The following LDB2 variants were observed in gnomAD, a reference collection of about 807,000 sequenced individuals.
The protein encoded by LDB2 is LIM domain-binding protein 2.
A neutral mutation model predicts 44.3 loss-of-function variants in LDB2; 12 were observed. The ratio of observed to expected loss-of-function variants is 0.27; its 90% CI spans 0.17 to 0.44. The LOEUF (loss-of-function observed/expected upper bound fraction) is 0.44. Among genes scored for constraint, LDB2 ranks in the 20% least tolerant of loss-of-function variants. The probability of loss-of-function intolerance (pLI) is 1.00; values close to 1 mark genes in which losing one functional copy is unlikely to be tolerated. For missense variants in LDB2, 344 were observed against 473.5 expected, an observed-to-expected ratio of 0.73 and a Z score of 2.54; for synonymous variants, 164 against 174.8, an observed-to-expected ratio of 0.94 and a Z score of 0.49.
chr4:16,765,794 A>G (rs1769076480), intron 1 of LDB2, among the ~76,000 whole-genome samples: 1 of 152,216 alleles, frequency 6.6e-6, no homozygotes. Flanking sequence ...TCATCTCACA[A>G]TAATGGAATG....
chr4:16,880,211 GGTCCA>G (rs767485680), intron 1 of LDB2, among the ~76,000 whole-genome samples: 1 of 151,908 alleles, frequency 6.6e-6, no homozygotes, highest in Non-Finnish European at 1.5e-5. Flanking sequence ...ATTCTTCATG[GGTCCA>G]GTCAAGATTT....
Position 16,588,765 on chromosome 4 carries a change from T to A in LDB2, c.476A>T (p.His159Leu), listed in dbSNP as rs1283344432. The A allele has an allele frequency of 1.2e-6, 2 of 1,613,908 alleles. No individual in the cohort carries two copies. Among genetic ancestry groups the A allele is most frequent in the Non-Finnish European group, 1.7e-6 (2 of 1,179,810 alleles). The change falls in exon 4 of 8, where the codon CAC (histidine) becomes CTC (leucine). Residue 159 changes from histidine (H) to leucine (L), a missense_variant. Physicochemically the swap from His to Leu is moderately conservative, Grantham distance 99. This residue lies in a region of LDB2 where 226 missense variants were observed against 270.1 expected (regional missense o/e 0.84). Transcript: ENST00000304523. ...CTCTCGGTATTGTCTAATGGTAAAG[T>A]GCCATGTTTTGATTCTCATGAGATC... ...FDDLMRIKTW[H>L]FTIRQYRELV...
intron 2 of LDB2, among the ~76,000 whole-genome samples, chr4:16,671,692 C>T (rs1744809809): frequency 6.6e-6 from 1 of 151,842 alleles, no homozygotes; most frequent in South Asian, 2.1e-4. Flanking sequence ...TCATGGAGTC[C>T]CTTACTCTGG....
chr4:16,562,816 C>G (rs1458330088), intron 5 of LDB2, among the ~76,000 whole-genome samples: 1 of 152,110 alleles, frequency 6.6e-6, no homozygotes, highest in Non-Finnish European at 1.5e-5. Context: ...GGAACCAACC[C>G]AAATGTCCAA....
At chr4:16,584,424 G>T (rs1468979457) in intron 5 of LDB2, among the ~76,000 whole-genome samples, 2 of 152,206 alleles carry the variant, frequency 1.3e-5, no homozygotes, top group East Asian at 3.9e-4. Context: ...CTTGGGTCAG[G>T]CTGCCTGAGT....
intron 2 of LDB2, among the ~76,000 whole-genome samples, chr4:16,646,844 G>A (rs1234845579): frequency 6.6e-6 from 1 of 152,100 alleles, no homozygotes; most frequent in Non-Finnish European, 1.5e-5. Flanking sequence ...CAATATATCA[G>A]ATATTAATAG....
intron 2 of LDB2, among the ~76,000 whole-genome samples, chr4:16,625,443 G>A (rs1398473162): frequency 1.3e-5 from 2 of 152,104 alleles, no homozygotes; most frequent in African/African-American, 4.8e-5. Flanking sequence ...TTCTTCATGA[G>A]ACTGTAAGCT....
intron 1 of LDB2, among the ~76,000 whole-genome samples, chr4:16,837,035 C>G (rs553777748): frequency 9.2e-5 from 14 of 152,158 alleles, no homozygotes; most frequent in Non-Finnish European, 1.6e-4. Context: ...AAAATGGTTG[C>G]TAGTCCAGGT....
rs148821121 is a variant in LDB2 at position 16,827,203 on chromosome 4, C to T, written c.133-67943G>A. 1.8e-4 allele frequency among the ~76,000 whole-genome samples: 27 copies of T among 152,162 alleles called. No homozygotes were observed. In the East Asian group the frequency reaches 4.8e-3, roughly 27 times the overall value. The stretch of plus-strand genomic sequence containing the variant: ...TGGATATCTCCTTGAAGGCACTACC[C>T]GTCTCTCTCATCAGCAGAGAAGGCA... On this transcript the variant is annotated intron_variant, in intron 1 of 7. Coordinates refer to ENST00000304523, the MANE Select transcript of LDB2 (RefSeq NM_001290.5).
At chr4:16,562,354 T>A (rs375611936) in intron 5 of LDB2, among the ~76,000 whole-genome samples, 2,021 of 152,118 alleles carry the variant, frequency 0.013, 45 homozygotes, top group African/African-American at 0.046. Context: ...ATCTACAATG[T>A]ACTCAAACAA....
intron 5 of LDB2, among the ~76,000 whole-genome samples, chr4:16,565,467 T>C (rs1013188625): frequency 1.3e-5 from 2 of 152,094 alleles, no homozygotes; most frequent in Non-Finnish European, 2.9e-5. Context: ...TAGCTCTTAA[T>C]AGAATAAGAA....
intron 5 of LDB2, among the ~76,000 whole-genome samples, chr4:16,568,263 A>C (rs1745243147): frequency 6.6e-6 from 1 of 152,234 alleles, no homozygotes; most frequent in Non-Finnish European, 1.5e-5. Flanking sequence ...GAATTAATTA[A>C]ACTAATGGGT....
intron 2 of LDB2, among the ~76,000 whole-genome samples, chr4:16,597,109 G>A (rs1186599523): frequency 3.9e-5 from 6 of 152,182 alleles, no homozygotes; most frequent in Non-Finnish European, 7.3e-5. Flanking sequence ...AAGAATCAGT[G>A]ATAATCCACT....
intron 1 of LDB2, among the ~76,000 whole-genome samples, chr4:16,866,685 A>G (rs1198198254): frequency 6.6e-6 from 1 of 152,190 alleles, no homozygotes; most frequent in Non-Finnish European, 1.5e-5. Context: ...GGACATAGGG[A>G]AAAAAATCTG....
rs187239391 is a variant in LDB2 at position 16,644,361 on chromosome 4, A to G, written c.236-48486T>C. Among the ~76,000 whole-genome samples, 465 of 152,296 alleles carry G rather than the reference A, an allele frequency of 3.1e-3. 2 individuals carry two copies. The highest frequency in any genetic ancestry group is 4.6e-3 in the Admixed American group (70 of 15,294). On this transcript the variant is annotated intron_variant, in intron 2 of 7. Coordinates refer to ENST00000304523, the MANE Select transcript of LDB2 (RefSeq NM_001290.5). ...AATGCCATTAGGCCCTAAATCCGGTAACATGTCCATTTCGTTTTTCATGAC... is the reference window on the plus strand; with the variant it reads ...AATGCCATTAGGCCCTAAATCCGGTGACATGTCCATTTCGTTTTTCATGAC...
At chr4:16,670,485 C>T (rs1744450507) in intron 2 of LDB2, among the ~76,000 whole-genome samples, 1 of 152,104 alleles carries the variant, frequency 6.6e-6, no homozygotes, top group African/African-American at 2.4e-5. Context: ...AACACTTTGG[C>T]CACAAAGTGA....
chr4:16,814,525 T>C (rs1281747753), intron 1 of LDB2, among the ~76,000 whole-genome samples: 1 of 130,082 alleles, frequency 7.7e-6, no homozygotes, highest in Non-Finnish European at 1.8e-5. Context: ...CCCTGCCCAT[T>C]ATATGAGCAA....
At chr4:16,683,431 AT>A (rs1460079382) in intron 2 of LDB2, among the ~76,000 whole-genome samples, 1 of 152,218 alleles carries the variant, frequency 6.6e-6, no homozygotes, top group Non-Finnish European at 1.5e-5. Flanking sequence ...GCTACCATTA[AT>A]TACAAACAGG....
At chr4:16,691,922 A>G (rs1370654890) in intron 2 of LDB2, among the ~76,000 whole-genome samples, 1 of 152,162 alleles carries the variant, frequency 6.6e-6, no homozygotes, top group Non-Finnish European at 1.5e-5. Context: ...AATTTTATTT[A>G]CATCTTTTCT....
Sources: gnomAD v4.1 joint callset for allele counts (sites outside exome capture counted in the v4.1 genomes callset) on GRCh38, gnomAD v4.1.1 for gene constraint, gnomAD v4.1.1 regional missense constraint, MANE v1.5 for transcripts, NCBI Gene and HGNC (gene_info 2026-07-23, HGNC 2026-07-21) for gene names.